Variants in ERCC4 observed in about 807,000 individuals in gnomAD.
ERCC4 encodes the protein ERCC excision repair 4, endonuclease catalytic subunit.
Under a neutral mutation model 76.9 loss-of-function variants are expected in ERCC4, and 65 were observed. The ratio of observed to expected loss-of-function variants is 0.84; its 90% CI spans 0.69 to 1.04. ERCC4 has a LOEUF of 1.04. ERCC4 is among the 50% of genes least tolerant of loss of function. The pLI, the probability that ERCC4 is intolerant of heterozygous loss-of-function variation, is 0.00. For synonymous variants in ERCC4, 463 were observed against 410.1 expected (o/e 1.13, Z -1.56); for missense variants, 1,214 against 1,128.2 (o/e 1.08, Z -1.09).
Position 13,950,965 on chromosome 16 carries a change from C to T in ERCC4, c.*2618C>T, listed in dbSNP as rs950185514. On this transcript the variant is annotated 3_prime_UTR_variant, in exon 11 of 11. Transcript: ENST00000311895. ...GTTCTTTGCTCTTGTATCTGCTGGA[C>T]GCTTGAAGACAGGTGCACTGTCTCG... is the stretch of plus-strand genomic sequence containing the variant. 4.6e-5 allele frequency: 9 copies of T among 193,730 alleles called. No homozygotes were observed. Among genetic ancestry groups the T allele is most frequent in the Admixed American group, 6.1e-5 (1 of 16,372 alleles). The allele number at this position is 193,730 out of a possible 1,614,324, so 12.0% of individuals were successfully genotyped here. A position where few individuals can be genotyped will look rare whatever the true frequency, so the allele number is the denominator to read the frequency against.
chr16:13,951,428 C>T lies in ERCC4; in HGVS notation c.*3081C>T, dbSNP rs2032628126. The T allele has an allele frequency of 4.9e-6, 1 of 203,702 alleles. No homozygotes were observed. The highest frequency in any genetic ancestry group is 1.0e-5 in the Non-Finnish European group (1 of 99,426). The allele number at this position is 203,702 out of a possible 1,614,324, so 12.6% of individuals were successfully genotyped here. Reference sequence around the variant, plus strand: ...AAATCATTTTAAGTTTCATTTAAATCATGGTGCCTCTTTTGATACTTTCTT... The same window carrying T: ...AAATCATTTTAAGTTTCATTTAAATTATGGTGCCTCTTTTGATACTTTCTT... On this transcript the variant is annotated 3_prime_UTR_variant, in exon 11 of 11. Transcript: ENST00000311895.
chr16:13,927,327 G>A (rs2032090390), intron 3 of ERCC4: 2 of 162,486 alleles, frequency 1.2e-5, no homozygotes, highest in Non-Finnish European at 2.7e-5. Flanking sequence ...GGGAGGCCAA[G>A]GCAGGCGGAT....
At position 13,951,550 on chromosome 16, in the gene ERCC4, A is replaced by G. The variant is rs114059834; in HGVS notation, c.*3203A>G. 739 of 212,494 alleles carry G rather than the reference A, an allele frequency of 3.5e-3. 4 individuals are homozygous for G. Among genetic ancestry groups the G allele is most frequent in the African/African-American group, 0.015 (682 of 44,328 alleles). 13.2% of individuals were successfully genotyped at this position (212,494 alleles called of 1,614,324 possible). The stretch of plus-strand genomic sequence containing the variant: ...AATTCAGCCTGAAGCTCGGTAGACA[A>G]TATGTCTACATGTGTTTGAGTACAT... On this transcript the variant is annotated 3_prime_UTR_variant, in exon 11 of 11. Coordinates refer to ENST00000311895, the MANE Select transcript of ERCC4 (RefSeq NM_005236.3).
At chr16:13,926,436 C>T (rs778079102) in intron 2 of ERCC4, 125 bp from the exon 3 acceptor site, 21 of 798,478 alleles carry the variant, frequency 2.6e-5, no homozygotes, top group East Asian at 9.8e-5. Flanking sequence ...CTGTTCTGTG[C>T]GTGGCTATAT....
intron 8 of ERCC4, among the ~76,000 whole-genome samples, chr16:13,936,617 G>C (rs2032299671): frequency 6.6e-6 from 1 of 152,254 alleles, no homozygotes; most frequent in African/African-American, 2.4e-5. Flanking sequence ...GGACCTGGGA[G>C]TTCAACCACT....
rs1004782571 is a variant in ERCC4 at position 13,949,072 on chromosome 16, A to G, written c.*725A>G. On this transcript the variant is annotated 3_prime_UTR_variant, in exon 11 of 11. Transcript: ENST00000311895. ...CAGTCTCCTCAAAAACTGGTTGACT[A>G]GTCTTCTAATGACCCTAACATATGT... 4.3e-6 allele frequency: 1 copy of G among 232,974 alleles called. No individual in the cohort carries two copies. The highest frequency in any genetic ancestry group is 8.5e-6 in the Non-Finnish European group (1 of 117,940). 14.4% of individuals were successfully genotyped at this position (232,974 alleles called of 1,614,324 possible). A position where few individuals can be genotyped will look rare whatever the true frequency, so the allele number is the denominator to read the frequency against.
intron 2 of ERCC4, chr16:13,922,570 T>C: frequency 1.4e-6 from 1 of 695,486 alleles, no homozygotes; most frequent in Non-Finnish European, 2.6e-6. Flanking sequence ...GACGAATTTC[T>C]TAATGGCTTT....
chr16:13,947,959 T>G lies in ERCC4; in HGVS notation c.2363T>G (p.Leu788Arg). The G allele has an allele frequency of 1.2e-6, 2 of 1,614,154 alleles. No individual in the cohort carries two copies. The highest frequency in any genetic ancestry group is 3.3e-5 in the Admixed American group (2 of 60,016). The change falls in exon 11 of 11, where the codon CTC becomes CGC. Residue 788 changes from leucine (L) to arginine (R), a missense_variant. Transcript: ENST00000311895. ...EISSNDISSKLTLLTLHFPRL... is the reference protein window; with the variant it reads ...EISSNDISSKRTLLTLHFPRL... Reference sequence around the variant, plus strand: ...TCCAGCAATGACATTAGTTCCAAACTCACTCTTCTTACACTTCACTTCCCC... The same window carrying G: ...TCCAGCAATGACATTAGTTCCAAACGCACTCTTCTTACACTTCACTTCCCC...
At chr16:13,937,937 C>T (rs1032178908) in intron 9 of ERCC4, 79 bp downstream of exon 9, 1 of 913,208 alleles carries the variant, frequency 1.1e-6, no homozygotes. Context: ...TAGTCCTGCT[C>T]AGGAAGGATA....
At chr16:13,945,642 T>C (rs1336984880) in intron 10 of ERCC4, among the ~76,000 whole-genome samples, 1 of 152,142 alleles carries the variant, frequency 6.6e-6, no homozygotes, top group Admixed American at 6.5e-5. Flanking sequence ...TCCAACTCAG[T>C]GGATGTGAAA....
rs760060914 is a variant in ERCC4, at chr16:13,934,205, A to G, written c.1116A>G (p.Glu372=). Residue 372 remains glutamate, a synonymous_variant, in exon 7 of 11, where the codon GAA becomes GAG. Coordinates refer to ENST00000311895, the MANE Select transcript of ERCC4 (RefSeq NM_005236.3). The part of the protein sequence containing the change: ...EIKEGEETKK[E]LVLESNPKWE... ...ATTTCTCTACAGAAACAAAAAAGGA[A>G]CTGGTCCTAGAAAGCAACCCAAAGT... 28 of 1,609,594 alleles carry G rather than the reference A, an allele frequency of 1.7e-5. No individual in the cohort carries two copies. Among genetic ancestry groups the G allele is most frequent in the Non-Finnish European group, 1.9e-5 (22 of 1,176,466 alleles).
chr16:13,924,109 ATGAATTCTTT>A (rs1036185148), intron 2 of ERCC4, among the ~76,000 whole-genome samples: 5 of 152,216 alleles, frequency 3.3e-5, no homozygotes, highest in African/African-American at 1.2e-4. Flanking sequence ...AATGCCAAAA[ATGAATTCTTT>A]TGAATTCTTT....
At chr16:13,946,990 T>A (rs569469408) in intron 10 of ERCC4, among the ~76,000 whole-genome samples, 15 of 152,186 alleles carry the variant, frequency 9.9e-5, no homozygotes, top group African/African-American at 2.9e-4. Context: ...TCAAACTCCT[T>A]TCCTCAGGTG....
At chr16:13,934,598 A>G (rs73523747) in intron 7 of ERCC4, 177 of 383,484 alleles carry the variant, frequency 4.6e-4, no homozygotes, top group African/African-American at 3.5e-3. Context: ...ACTTCTATTT[A>G]AAGATTGAGC....
chr16:13,926,528 T>C, intron 2 of ERCC4, 33 bp from the exon 3 acceptor site: 1 of 1,572,056 alleles, frequency 6.4e-7, no homozygotes, highest in African/African-American at 1.3e-5. Context: ...TACCTACCTG[T>C]TCTGTAGTTT....
At chr16:13,921,191 G>A (rs1456599111) in intron 1 of ERCC4, among the ~76,000 whole-genome samples, 1 of 152,166 alleles carries the variant, frequency 6.6e-6, no homozygotes, top group Non-Finnish European at 1.5e-5. Context: ...GGGAAAAGGA[G>A]GGACCAGGAA....
chr16:13,940,280 G>A (rs1421619450), intron 9 of ERCC4, among the ~76,000 whole-genome samples: 4 of 152,004 alleles, frequency 2.6e-5, no homozygotes, highest in Non-Finnish European at 4.4e-5. Context: ...CCAGCTACCC[G>A]GGAGGCTAAG....
intron 9 of ERCC4, among the ~76,000 whole-genome samples, chr16:13,938,221 A>G (rs960698055): frequency 1.3e-5 from 2 of 152,172 alleles, no homozygotes; most frequent in Non-Finnish European, 2.9e-5. Context: ...TCCCTGCCTT[A>G]TGCACAATAT....
In ERCC4 at chr16:13,935,479, G is replaced by A. The variant is rs2032268496; in HGVS notation, c.1547G>A (p.Arg516Gln). The change falls in exon 8 of 11, where the codon CGA becomes CAA. Residue 516 changes from arginine to glutamine, a missense_variant. Transcript: ENST00000311895. ...GGAGATGTCGAGGAAGGATATCGTC[G>A]AGAAATAAGCAGTAGCCCAGAAAGC... Reference protein sequence around the residue: ...EEGDVEEGYRREISSSPESCP... With the variant: ...EEGDVEEGYRQEISSSPESCP... The A allele has an allele frequency of 6.2e-7, 1 of 1,614,168 alleles. No homozygotes were observed. The highest frequency in any genetic ancestry group is 8.5e-7 in the Non-Finnish European group (1 of 1,180,036).
Sources: allele counts gnomAD v4.1 joint callset (sites outside exome capture counted in the v4.1 genomes callset), GRCh38; gene constraint gnomAD v4.1.1; transcripts MANE v1.5; gene names NCBI Gene and HGNC (gene_info 2026-07-23, HGNC 2026-07-21).